TRPM3: variants seen among roughly 807,000 people sequenced by gnomAD.
TRPM3 encodes the protein long transient receptor potential channel 3.
Under a neutral mutation model 181.2 loss-of-function variants are expected in TRPM3, and 77 were observed. The ratio of observed to expected loss-of-function variants is 0.42; its 90% CI spans 0.35 to 0.51. The LOEUF is 0.51. Ranked by LOEUF, TRPM3 falls within the 20% of genes least tolerant of loss-of-function variation. TRPM3 has a pLI of 0.01. For synonymous variants in TRPM3, 745 were observed against 796.4 expected (o/e 0.94, Z 1.09); for missense variants, 1,759 against 2,196.7 (o/e 0.80, Z 3.98).
chr9:71,437,354 C>T (rs1452610365), intron 1 of TRPM3, among the ~76,000 whole-genome samples: 1 of 151,978 alleles, frequency 6.6e-6, no homozygotes, highest in Non-Finnish European at 1.5e-5. Context: ...TTTTTCTTAG[C>T]CTGTAAGCTA....
intron 6 of TRPM3, 148 bp downstream of exon 6, chr9:70,827,699 C>A: frequency 1.0e-6 from 1 of 953,378 alleles, no homozygotes; most frequent in Non-Finnish European, 1.5e-6. Context: ...ATGGCTTCCT[C>A]TCATTCTAAG....
chr9:71,423,021 T>A (rs2093804887), intron 1 of TRPM3, among the ~76,000 whole-genome samples: 1 of 152,056 alleles, frequency 6.6e-6, no homozygotes. Flanking sequence ...CTGACAAATG[T>A]GTTCTACGAC....
At chr9:70,871,079 G>C (rs1225693690) in intron 1 of TRPM3, among the ~76,000 whole-genome samples, 2 of 151,764 alleles carry the variant, frequency 1.3e-5, no homozygotes, top group African/African-American at 4.8e-5. Flanking sequence ...GGAAAAGAAA[G>C]TTTTATAATG....
At chr9:71,333,115 T>G (rs1249178043) in intron 1 of TRPM3, among the ~76,000 whole-genome samples, 1 of 151,836 alleles carries the variant, frequency 6.6e-6, no homozygotes, top group African/African-American at 2.4e-5. Context: ...ATAAAAAAGA[T>G]AGTGACAATG....
chr9:70,558,266 A>C (rs4517192), intron 22 of TRPM3, among the ~76,000 whole-genome samples: 35,483 of 152,164 alleles, frequency 0.23, 4,832 homozygotes, highest in Admixed American at 0.31. Context: ...TATAGTCATA[A>C]AAACCATGCG....
chr9:71,086,034 C>T (rs1173698994), intron 1 of TRPM3, among the ~76,000 whole-genome samples: 4 of 151,944 alleles, frequency 2.6e-5, no homozygotes, highest in African/African-American at 9.7e-5. Flanking sequence ...AGAACAAAAT[C>T]ATCTCCTTTG....
chr9:70,698,246 T>C (rs544097508), intron 8 of TRPM3, among the ~76,000 whole-genome samples: 35 of 151,986 alleles, frequency 2.3e-4, no homozygotes, highest in South Asian at 2.1e-3. Flanking sequence ...CTTATATCCT[T>C]GCCCCTTCTT....
At chr9:70,619,166 TG>T in intron 16 of TRPM3, 71 bp from the exon 17 acceptor site, 1 of 1,320,118 alleles carries the variant, frequency 7.6e-7, no homozygotes, top group Non-Finnish European at 1.1e-6. Context: ...GTGGACCTGC[TG>T]GCCAACCAGA....
chr9:70,805,534 GAAAAAAAAAAAAAAAAAA>G (rs534322844), intron 6 of TRPM3, among the ~76,000 whole-genome samples: 41,283 of 85,584 alleles, frequency 0.48, 8,176 homozygotes, highest in African/African-American at 0.65. Flanking sequence ...ACTCCATCTC[GAAAAAAAAAAAAAAAAAA>G]AAAAAAAAAA....
intron 1 of TRPM3, among the ~76,000 whole-genome samples, chr9:71,011,947 A>G (rs1358835301): frequency 1.3e-5 from 2 of 151,298 alleles, no homozygotes; most frequent in Admixed American, 6.6e-5. Flanking sequence ...TGCCTGGCTA[A>G]TTTTTTTATA....
At chr9:71,430,074 C>T (rs1379030304) in intron 1 of TRPM3, among the ~76,000 whole-genome samples, 1 of 152,126 alleles carries the variant, frequency 6.6e-6, no homozygotes, top group East Asian at 1.9e-4. Flanking sequence ...TTCCTCACAG[C>T]ACTTACAATC....
intron 1 of TRPM3, among the ~76,000 whole-genome samples, chr9:71,064,244 G>A (rs992631139): frequency 2.0e-5 from 3 of 151,926 alleles, no homozygotes; most frequent in Non-Finnish European, 4.4e-5. Flanking sequence ...TTTTTATGTT[G>A]GCAAGTTAAC....
intron 7 of TRPM3, among the ~76,000 whole-genome samples, chr9:70,766,290 A>G (rs1428466654): frequency 3.3e-5 from 5 of 152,188 alleles, no homozygotes; most frequent in Admixed American, 2.6e-4. Flanking sequence ...ACATACAAAT[A>G]TATTTCTCAG....
intron 1 of TRPM3, among the ~76,000 whole-genome samples, chr9:70,913,092 C>T (rs935211375): frequency 2.0e-5 from 3 of 152,010 alleles, no homozygotes; most frequent in Non-Finnish European, 4.4e-5. Context: ...TTGTATGTAC[C>T]ATCTCTAATA....
Position 70,674,674 on chromosome 9 carries a change from C to T in TRPM3, c.1345+6832G>A, listed in dbSNP as rs909909023. ...TCCTGGGCTCAAGCAATCCTCTCACCTCAAACTCCCAAGTAGCTGGGACTA... is the reference window on the plus strand; with the variant it reads ...TCCTGGGCTCAAGCAATCCTCTCACTTCAAACTCCCAAGTAGCTGGGACTA... On this transcript the variant is annotated intron_variant, in intron 9 of 25. Transcript: ENST00000677713. Among the ~76,000 whole-genome samples the T allele has an allele frequency of 5.9e-5, 9 of 151,404 alleles. No individual in the cohort carries two copies. In the East Asian group the frequency reaches 1.7e-3, roughly 29 times the overall value.
At chr9:71,329,231 G>C (rs1268515281) in intron 1 of TRPM3, among the ~76,000 whole-genome samples, 1 of 152,194 alleles carries the variant, frequency 6.6e-6, no homozygotes, top group African/African-American at 2.4e-5. Context: ...CGCCTTGACT[G>C]TTCACTCTTA....
In TRPM3 at chr9:71,305,208, A is replaced by G. The variant is rs141443254; in HGVS notation, c.183+141445T>C. On this transcript the variant is annotated intron_variant, in intron 1 of 24. Coordinates refer to the TRPM3 transcript ENST00000357533. ...TGCAGTGAGAAAATGAATGGACAGA[A>G]ATGTTTTAAAAGGTTTAATTATAAT... Among the ~76,000 whole-genome samples, 302 of 152,338 alleles carry G rather than the reference A, an allele frequency of 2.0e-3. 1 individual carries two copies. Among genetic ancestry groups the G allele is most frequent in the African/African-American group, 6.9e-3 (287 of 41,586 alleles).
Position 71,233,213 on chromosome 9 carries a change from A to T in TRPM3, c.183+213440T>A, listed in dbSNP as rs1199614474. ...AATAATGTCCTTTTCAAATCAAATG[A>T]ATCATTTTCCCTCCTTTAAAATTCA... On this transcript the variant is annotated intron_variant, in intron 1 of 24. Transcript: ENST00000357533. Among the ~76,000 whole-genome samples the T allele has an allele frequency of 2.0e-5, 3 of 152,190 alleles. No individual in the cohort carries two copies. In the East Asian group the frequency reaches 5.8e-4, roughly 29 times the overall value.
chr9:71,399,457 T>C (rs946411991), intron 1 of TRPM3, among the ~76,000 whole-genome samples: 1 of 151,990 alleles, frequency 6.6e-6, no homozygotes, highest in African/African-American at 2.4e-5. Context: ...CAAGGGAATC[T>C]ATAAAGTAAG....
Sources: allele counts gnomAD v4.1 joint callset (sites outside exome capture counted in the v4.1 genomes callset), GRCh38; gene constraint gnomAD v4.1.1; transcripts MANE v1.5; gene names NCBI Gene and HGNC (gene_info 2026-07-23, HGNC 2026-07-21).